Variants in ADAMTSL1 observed in about 807,000 individuals in gnomAD.
ADAMTSL1 encodes the protein ADAMTS-like protein 1.
ADAMTSL1 carries 126 observed loss-of-function variants against 201.8 expected under a neutral mutation model. The ratio of observed to expected loss-of-function variants is 0.62; its 90% CI spans 0.54 to 0.72. The LOEUF (loss-of-function observed/expected upper bound fraction) is 0.72. Ranked by LOEUF, ADAMTSL1 falls within the 30% of genes least tolerant of loss-of-function variation. The probability of loss-of-function intolerance (pLI) is 0.00; values close to 1 mark genes in which losing one functional copy is unlikely to be tolerated. For synonymous variants in ADAMTSL1, 1,121 were observed against 903.4 expected (o/e 1.24, Z -4.32); for missense variants, 2,679 against 2,277.8 (o/e 1.18, Z -3.59).
At chr9:18,176,013 A>AG (rs1457467742) in intron 2 of ADAMTSL1, among the ~76,000 whole-genome samples, 1 of 131,974 alleles carries the variant, frequency 7.6e-6, no homozygotes, top group Non-Finnish European at 1.7e-5. Flanking sequence ...AAAGCAAAAA[A>AG]AAAAAAAAAA....
At chr9:18,148,920 T>C (rs932503710) in intron 1 of ADAMTSL1, among the ~76,000 whole-genome samples, 22 of 152,266 alleles carry the variant, frequency 1.4e-4, no homozygotes, top group African/African-American at 5.1e-4. Flanking sequence ...CCTTTCCTTA[T>C]CTATTCCCAC....
chr9:18,454,939 A>AC (rs112421486), intron 2 of ADAMTSL1, among the ~76,000 whole-genome samples: 208 of 152,298 alleles, frequency 1.4e-3, no homozygotes, highest in African/African-American at 4.8e-3. Context: ...TGGAGGTAAA[A>AC]CAAAATAGAA....
intron 2 of ADAMTSL1, among the ~76,000 whole-genome samples, chr9:18,433,778 T>C (rs946385423): frequency 1.3e-5 from 2 of 152,202 alleles, no homozygotes; most frequent in African/African-American, 4.8e-5. Context: ...AGTTTTCAAA[T>C]AGTTCCACAA....
At chr9:18,560,656 AG>A (rs1415704485) in intron 3 of ADAMTSL1, among the ~76,000 whole-genome samples, 6 of 151,094 alleles carry the variant, frequency 4.0e-5, no homozygotes, top group African/African-American at 1.5e-4. Context: ...TTTGGTTGGT[AG>A]GCTATTAATT....
intron 1 of ADAMTSL1, among the ~76,000 whole-genome samples, chr9:18,486,982 T>C (rs1261857205): frequency 6.6e-6 from 1 of 152,192 alleles, no homozygotes; most frequent in Non-Finnish European, 1.5e-5. Context: ...TTGTCTAACA[T>C]AGGCATCACA....
At position 18,827,023 on chromosome 9, in the gene ADAMTSL1, G is replaced by T. The variant is rs539220782; in HGVS notation, c.4114+560G>T. The stretch of plus-strand genomic sequence containing the variant: ...ATAAAATGGGTGCTTAAAAATAATT[G>T]CTGGGACACCATCCACCATCTGATT... On this transcript the variant is annotated intron_variant, in intron 22 of 28. Transcript: ENST00000380548. Among the ~76,000 whole-genome samples, 140 of 152,116 alleles carry T rather than the reference G, an allele frequency of 9.2e-4. 1 individual carries two copies. The highest frequency in any genetic ancestry group is 3.1e-3 in the African/African-American group (128 of 41,504).
chr9:18,527,061 A>G (rs1053734986), intron 2 of ADAMTSL1, among the ~76,000 whole-genome samples: 1 of 152,304 alleles, frequency 6.6e-6, no homozygotes, highest in South Asian at 2.1e-4. Context: ...TTTCATGGTT[A>G]CAGTGAGCTA....
intron 23 of ADAMTSL1, among the ~76,000 whole-genome samples, chr9:18,848,689 C>G (rs755850217): frequency 2.0e-5 from 3 of 152,198 alleles, no homozygotes; most frequent in African/African-American, 4.8e-5. Context: ...CTACTCTAGA[C>G]CAGAGTTGGG....
intron 2 of ADAMTSL1, among the ~76,000 whole-genome samples, chr9:18,231,989 G>C (rs889144553): frequency 6.6e-6 from 1 of 152,136 alleles, no homozygotes; most frequent in South Asian, 2.1e-4. Flanking sequence ...CCTAAAGCTT[G>C]TTCTCAGTAA....
intron 15 of ADAMTSL1, among the ~76,000 whole-genome samples, chr9:18,742,567 G>A (rs977961540): frequency 1.1e-4 from 16 of 152,144 alleles, no homozygotes; most frequent in Non-Finnish European, 2.1e-4. Context: ...GAGCTGGGAT[G>A]GTGAGGGAAA....
At chr9:18,154,449 C>A (rs993359860) in intron 1 of ADAMTSL1, among the ~76,000 whole-genome samples, 3 of 152,040 alleles carry the variant, frequency 2.0e-5, no homozygotes, top group Non-Finnish European at 4.4e-5. Context: ...TCAGCTGGGA[C>A]ACTGGAACAT....
chr9:18,772,706 C>A (rs866318598), intron 17 of ADAMTSL1, among the ~76,000 whole-genome samples: 1 of 151,978 alleles, frequency 6.6e-6, no homozygotes, highest in Middle Eastern at 3.2e-3. Flanking sequence ...AAAAGTGAAC[C>A]CTTATGATTG....
intron 2 of ADAMTSL1, among the ~76,000 whole-genome samples, chr9:18,395,965 T>C (rs1817737110): frequency 6.6e-6 from 1 of 152,190 alleles, no homozygotes. Flanking sequence ...TTACTCCCTT[T>C]TAGTCTGGCC....
intron 1 of ADAMTSL1, among the ~76,000 whole-genome samples, chr9:17,963,698 G>C (rs914436994): frequency 2.6e-5 from 4 of 152,116 alleles, no homozygotes; most frequent in Non-Finnish European, 5.9e-5. Flanking sequence ...TGCAGATTGA[G>C]ATTCAAATTG....
At chr9:18,522,800 A>G (rs1818783650) in intron 2 of ADAMTSL1, among the ~76,000 whole-genome samples, 1 of 152,064 alleles carries the variant, frequency 6.6e-6, no homozygotes, top group African/African-American at 2.4e-5. Flanking sequence ...ATACTATTCC[A>G]TGGTGTATAT....
intron 1 of ADAMTSL1, among the ~76,000 whole-genome samples, chr9:18,126,312 C>T (rs1452802534): frequency 6.6e-6 from 1 of 152,186 alleles, no homozygotes; most frequent in African/African-American, 2.4e-5. Flanking sequence ...TCACAAATTC[C>T]TTCTTACCAC....
intron 3 of ADAMTSL1, among the ~76,000 whole-genome samples, chr9:18,543,591 A>C (rs966932218): frequency 3.3e-5 from 5 of 152,234 alleles, no homozygotes; most frequent in Admixed American, 1.3e-4. Context: ...TTCGCTAGTT[A>C]AACACTGAAC....
At chr9:18,781,367 C>T (rs776452028) in intron 19 of ADAMTSL1, among the ~76,000 whole-genome samples, 2 of 152,184 alleles carry the variant, frequency 1.3e-5, no homozygotes, top group Non-Finnish European at 2.9e-5. Flanking sequence ...TTTCAATGCA[C>T]GTTAATGGCA....
At chr9:18,234,489 T>C (rs187089788) in intron 2 of ADAMTSL1, among the ~76,000 whole-genome samples, 3 of 152,296 alleles carry the variant, frequency 2.0e-5, no homozygotes, top group Admixed American at 6.5e-5. Flanking sequence ...TGTACCTGTT[T>C]AATAGACAAA....
Sources: gnomAD v4.1 joint callset for allele counts (sites outside exome capture counted in the v4.1 genomes callset) on GRCh38, gnomAD v4.1.1 for gene constraint, MANE v1.5 for transcripts, NCBI Gene and HGNC (gene_info 2026-07-23, HGNC 2026-07-21) for gene names.